LOXHD1: variants seen among roughly 807,000 people sequenced by gnomAD.
LOXHD1 encodes the protein lipoxygenase homology domain-containing protein 1.
In LOXHD1, 205 loss-of-function variants were observed where a neutral mutation model predicts 248.2. That is an observed-to-expected ratio of 0.83 (90% CI 0.74 to 0.93). The LOEUF (loss-of-function observed/expected upper bound fraction) is 0.93. Among genes scored for constraint, LOXHD1 ranks in the 40% least tolerant of loss-of-function variants. The pLI, the probability that LOXHD1 is intolerant of heterozygous loss-of-function variation, is 0.00. For missense variants in LOXHD1, 2,930 were observed against 2,971.6 expected (o/e 0.99, Z 0.33); for synonymous variants, 1,113 against 1,162.8 (o/e 0.96, Z 0.87).
chr18:46,482,364 G>C lies in LOXHD1; in HGVS notation c.6341+1223C>G, dbSNP rs565759659. Among the ~76,000 whole-genome samples, 14 of 152,286 alleles carry C rather than the reference G, an allele frequency of 9.2e-5. 1 individual carries two copies. In the East Asian group the frequency reaches 2.7e-3, roughly 29 times the overall value. ...GATGGAATTAGTGCCCTTACACAAA[G>C]AGGAAGAGAAACCAGAGCTCTCTCT... On this transcript the variant is annotated intron_variant, in intron 40 of 40. Transcript: ENST00000642948.
intron 4 of LOXHD1, among the ~76,000 whole-genome samples, chr18:46,624,074 G>C (rs2038705535): frequency 6.6e-6 from 1 of 152,192 alleles, no homozygotes; most frequent in African/African-American, 2.4e-5. Flanking sequence ...TCTTTTCCTT[G>C]CCTTTCGCCC....
chr18:46,542,716 G>A lies in LOXHD1; in HGVS notation c.3748+11C>T. On this transcript the variant is annotated intron_variant, in intron 24 of 40. Coordinates refer to ENST00000642948, the MANE Select transcript of LOXHD1 (RefSeq NM_001384474.1). ...AGTCTTAGCAAGGAACAGAGGGGAG[G>A]GAAGCCACACCTGTGTTGTCATGGC... 5.2e-6 allele frequency: 8 copies of A among 1,551,438 alleles called. No individual in the cohort carries two copies. The highest frequency in any genetic ancestry group is 7.0e-6 in the Non-Finnish European group (8 of 1,146,962).
chr18:46,560,048 T>TGGCTGGGCCCCC, intron 19 of LOXHD1, 35 bp downstream of exon 19: 1 of 1,226,298 alleles, frequency 8.2e-7, no homozygotes, highest in Non-Finnish European at 1.1e-6. Context: ...GTCTGGCCAC[T>TGGCTGGGCCCCC]CCCTCCCCAC....
intron 20 of LOXHD1, chr18:46,557,796 C>A: frequency 8.3e-7 from 1 of 1,205,994 alleles, no homozygotes; most frequent in East Asian, 2.8e-5. Context: ...ATGCCCACAT[C>A]TGTGGTGGGT....
intron 37 of LOXHD1, among the ~76,000 whole-genome samples, chr18:46,505,550 T>C (rs2034509004): frequency 6.6e-6 from 1 of 152,244 alleles, no homozygotes; most frequent in Non-Finnish European, 1.5e-5. Flanking sequence ...TCTTAATTTT[T>C]AAAGCCTGAA....
intron 37 of LOXHD1, among the ~76,000 whole-genome samples, chr18:46,504,352 T>C (rs1283718634): frequency 2.0e-5 from 3 of 152,174 alleles, no homozygotes; most frequent in South Asian, 4.1e-4. Flanking sequence ...GTGATCTGCC[T>C]ACCTCAGCCT....
intron 6 of LOXHD1, among the ~76,000 whole-genome samples, chr18:46,609,359 C>T (rs328123): frequency 0.3 from 45,669 of 152,162 alleles, 8,417 homozygotes; most frequent in East Asian, 0.42. Context: ...TTGTTTAACA[C>T]TGCACTTGAA....
intron 4 of LOXHD1, among the ~76,000 whole-genome samples, chr18:46,630,606 C>T (rs328191): frequency 0.31 from 46,723 of 152,028 alleles, 8,233 homozygotes; most frequent in East Asian, 0.45. Flanking sequence ...TTCAATACTG[C>T]CCCATAGGGA....
intron 21 of LOXHD1, among the ~76,000 whole-genome samples, chr18:46,549,349 T>G (rs892408415): frequency 5.0e-5 from 4 of 79,478 alleles, no homozygotes; most frequent in Non-Finnish European, 1.4e-4. Flanking sequence ...AAGTAAAAAA[T>G]GGAATGAGAT....
rs761010290 is a variant in LOXHD1, at chr18:46,560,303, G to A, written c.2841C>T (p.Asp947=). The change falls in exon 19 of 41, where the codon GAC becomes GAT. Residue 947 remains aspartate (D), a synonymous_variant. Transcript: ENST00000642948. ...QRKKKKRKGS[D]EEDEGEEEES... is the part of the protein sequence containing the mutation. ...CCTCTTCCTCCCCCTCGTCCTCTTC[G>A]TCGCTGCCCTTCCTCTTCTTCTTCT... 65 of 1,551,234 alleles carry A rather than the reference G, an allele frequency of 4.2e-5. No homozygotes were observed. In the Middle Eastern group the frequency reaches 2.0e-3, roughly 48 times the overall value.
chr18:46,501,691 C>T (rs1315589775), intron 37 of LOXHD1, among the ~76,000 whole-genome samples: 1 of 152,176 alleles, frequency 6.6e-6, no homozygotes, highest in African/African-American at 2.4e-5. Flanking sequence ...CTGTGCTTCC[C>T]TTAGGAGCAA....
At chr18:46,651,624 G>T (rs74469067) in intron 1 of LOXHD1, among the ~76,000 whole-genome samples, 7,957 of 151,992 alleles carry the variant, frequency 0.052, 262 homozygotes, top group Non-Finnish European at 0.08. Context: ...GGGATGCACA[G>T]CTACTTCTTA....
chr18:46,657,178 T>G lies in LOXHD1; in HGVS notation c.-145A>C, dbSNP rs2039194837. 2.2e-6 allele frequency: 3 copies of G among 1,357,252 alleles called. No homozygotes were observed. The highest frequency in any genetic ancestry group is 2.3e-5 in the Admixed American group (1 of 43,856). The allele number at this position is 1,357,252 out of a possible 1,614,324, so 84.1% of individuals were successfully genotyped here. ...GGGTGGGCCAGAGTGCCCCGTTTTC[T>G]TGGCTTCCCCGTGCCCAAGGTGCTG... On this transcript the variant is annotated 5_prime_UTR_variant, in exon 1 of 41. Coordinates refer to ENST00000642948, the MANE Select transcript of LOXHD1 (RefSeq NM_001384474.1).
chr18:46,503,855 C>G (rs1465921401), intron 37 of LOXHD1, among the ~76,000 whole-genome samples: 1 of 152,064 alleles, frequency 6.6e-6, no homozygotes, highest in Admixed American at 6.5e-5. Flanking sequence ...ATCTTCTTGA[C>G]CACCTGACAC....
At chr18:46,653,588 A>G (rs1052880954) in intron 1 of LOXHD1, among the ~76,000 whole-genome samples, 2 of 152,264 alleles carry the variant, frequency 1.3e-5, no homozygotes, top group Non-Finnish European at 2.9e-5. Flanking sequence ...CCAAGTCAGC[A>G]CAAACAATTG....
At chr18:46,643,123 G>A (rs898941902) in intron 2 of LOXHD1, among the ~76,000 whole-genome samples, 1 of 152,140 alleles carries the variant, frequency 6.6e-6, no homozygotes, top group Non-Finnish European at 1.5e-5. Flanking sequence ...TTCTGTGAAC[G>A]GACTCATGGT....
At chr18:46,651,577 T>A (rs1298436310) in intron 1 of LOXHD1, among the ~76,000 whole-genome samples, 2 of 150,778 alleles carry the variant, frequency 1.3e-5, no homozygotes, top group Non-Finnish European at 3.0e-5. Context: ...TGGAGAGGCA[T>A]AGGAGAGGAA....
chr18:46,478,312 G>A (rs2032215752), intron 40 of LOXHD1, among the ~76,000 whole-genome samples: 1 of 151,950 alleles, frequency 6.6e-6, no homozygotes, highest in African/African-American at 2.4e-5. Context: ...GGCTCCCAAA[G>A]TGCTGGGATT....
rs2036627770 is a variant in LOXHD1, at chr18:46,542,963, C to T, written c.3620-108G>A. 5 of 1,461,938 alleles carry T rather than the reference C, an allele frequency of 3.4e-6. No homozygotes were observed. The South Asian group carries it at 3.8e-5, about 11-fold the overall frequency. 90.6% of individuals were successfully genotyped at this position (1,461,938 alleles called of 1,614,324 possible). On this transcript the variant is annotated intron_variant, in intron 23 of 40. Coordinates refer to ENST00000642948, the MANE Select transcript of LOXHD1 (RefSeq NM_001384474.1). ...CAAAATGACCAAATTTCTGAACTTCCACCAAATTTAGACTGTGCAATTATC... is the reference window on the plus strand; with the variant it reads ...CAAAATGACCAAATTTCTGAACTTCTACCAAATTTAGACTGTGCAATTATC...
Sources: gnomAD v4.1 joint callset for allele counts (sites outside exome capture counted in the v4.1 genomes callset) on GRCh38, gnomAD v4.1.1 for gene constraint, MANE v1.5 for transcripts, NCBI Gene and HGNC (gene_info 2026-07-23, HGNC 2026-07-21) for gene names.